The following MALRD1 variants were observed in gnomAD, a reference collection of about 807,000 sequenced individuals.
The protein encoded by MALRD1 is MAM and LDL receptor class A domain containing 1, also known as MAM and LDL-receptor class A domain-containing protein 1.
MALRD1 carries 247 observed loss-of-function variants against 242.1 expected under a neutral mutation model. That is an observed-to-expected ratio of 1.02 (90% CI 0.92 to 1.13). The LOEUF (loss-of-function observed/expected upper bound fraction) is 1.13. Ranked by LOEUF, MALRD1 falls within the 50% of genes most tolerant of loss-of-function variation. MALRD1 has a pLI of 0.00. For missense variants in MALRD1, 2,989 were observed against 2,533.1 expected, an observed-to-expected ratio of 1.18 and a Z score of -3.86; for synonymous variants, 995 against 866.6, an observed-to-expected ratio of 1.15 and a Z score of -2.60.
At chr10:19,420,398 T>A (rs1833679968) in intron 28 of MALRD1, among the ~76,000 whole-genome samples, 1 of 152,156 alleles carries the variant, frequency 6.6e-6, no homozygotes, top group Non-Finnish European at 1.5e-5. Flanking sequence ...ACTGACATAT[T>A]GATTCTTTGA....
chr10:19,348,934 C>A (rs1433044330), intron 25 of MALRD1, among the ~76,000 whole-genome samples: 2 of 152,088 alleles, frequency 1.3e-5, no homozygotes, highest in African/African-American at 4.8e-5. Flanking sequence ...CTCCAAAAAG[C>A]AAACAAATTA....
rs879373174 is a variant in MALRD1 at position 19,168,845 on chromosome 10, C to A, written c.1830+3035C>A. Among the ~76,000 whole-genome samples, 54 of 152,102 alleles carry A rather than the reference C, an allele frequency of 3.6e-4. 2 individuals carry two copies. Among genetic ancestry groups the A allele is most frequent in the Admixed American group, 3.4e-3 (52 of 15,264 alleles). ...TCAATGCTGAGTTCTTTCGAGGCCT[C>A]GGTCACATTGAATTCACCCCAGAGA... On this transcript the variant is annotated intron_variant, in intron 13 of 39. Coordinates refer to ENST00000454679, the MANE Select transcript of MALRD1 (RefSeq NM_001142308.3).
chr10:19,617,097 TACAGTA>T (rs1411359473), intron 36 of MALRD1, among the ~76,000 whole-genome samples: 2 of 151,986 alleles, frequency 1.3e-5, no homozygotes, highest in African/African-American at 4.8e-5. Flanking sequence ...GTCAACTGCT[TACAGTA>T]AAGAGGTTGA....
chr10:19,375,531 A>C (rs1588984831), intron 26 of MALRD1, among the ~76,000 whole-genome samples: 1 of 152,168 alleles, frequency 6.6e-6, no homozygotes, highest in Non-Finnish European at 1.5e-5. Flanking sequence ...AAGGACACAC[A>C]TCCTCACCAT....
chr10:19,224,700 A>C (rs1837713204), intron 18 of MALRD1, among the ~76,000 whole-genome samples: 2 of 151,784 alleles, frequency 1.3e-5, no homozygotes, highest in South Asian at 4.2e-4. Context: ...TTTTCTTGTA[A>C]ATTTGTTTAA....
At chr10:19,339,355 A>T (rs971368258) in intron 24 of MALRD1, among the ~76,000 whole-genome samples, 24 of 152,118 alleles carry the variant, frequency 1.6e-4, no homozygotes, top group African/African-American at 5.8e-4. Context: ...TTCTCGTGGC[A>T]TCTTATCAAA....
chr10:19,730,670 T>C, intron 38 of MALRD1, 36 bp from the exon 39 acceptor site: 1 of 1,525,762 alleles, frequency 6.6e-7, no homozygotes, highest in Non-Finnish European at 8.8e-7. Flanking sequence ...TAAATGTCAA[T>C]AGTTTTTTAT....
chr10:19,312,239 T>C (rs369956182), intron 21 of MALRD1, among the ~76,000 whole-genome samples: 3 of 151,298 alleles, frequency 2.0e-5, no homozygotes, highest in African/African-American at 7.3e-5. Context: ...AACAAACTTA[T>C]CTGTTTTTCC....
chr10:19,434,444 T>G (rs761748614), intron 28 of MALRD1, among the ~76,000 whole-genome samples: 1 of 152,028 alleles, frequency 6.6e-6, no homozygotes, highest in African/African-American at 2.4e-5. Context: ...GATTTCATTT[T>G]ATTTTTAAAA....
intron 1 of MALRD1, among the ~76,000 whole-genome samples, chr10:19,065,972 T>A (rs928212008): frequency 6.6e-6 from 1 of 152,154 alleles, no homozygotes; most frequent in Non-Finnish European, 1.5e-5. Flanking sequence ...AGTTTTAAGA[T>A]GTAACCTTAA....
rs565578077 is a variant in MALRD1 at position 19,555,377 on chromosome 10, A to G, written c.5479-12125A>G. Among the ~76,000 whole-genome samples the G allele has an allele frequency of 2.6e-5, 4 of 152,230 alleles. No homozygotes were observed. In the East Asian group the frequency reaches 7.7e-4, roughly 29 times the overall value. ...AGGAGGATTGGGAAAGCTGGGTAGGACTTCATTTTTACAACCATGGAGGTC... is the reference window on the plus strand; with the variant it reads ...AGGAGGATTGGGAAAGCTGGGTAGGGCTTCATTTTTACAACCATGGAGGTC... On this transcript the variant is annotated intron_variant, in intron 32 of 39. Transcript: ENST00000454679.
At chr10:19,724,189 G>C (rs1400690960) in intron 38 of MALRD1, among the ~76,000 whole-genome samples, 1 of 152,184 alleles carries the variant, frequency 6.6e-6, no homozygotes, top group East Asian at 1.9e-4. Context: ...TAGGTGTCCG[G>C]TGAGTTTCAC....
At chr10:19,236,972 T>C (rs1226803646) in intron 18 of MALRD1, among the ~76,000 whole-genome samples, 1 of 152,042 alleles carries the variant, frequency 6.6e-6, no homozygotes, top group Non-Finnish European at 1.5e-5. Context: ...CATTTTAAAA[T>C]TGTTATTTAA....
chr10:19,530,421 AAATATATAATATATATAATATAT>A (rs1362232311), intron 31 of MALRD1, among the ~76,000 whole-genome samples: 16 of 19,512 alleles, frequency 8.2e-4, no homozygotes, highest in African/African-American at 2.2e-3. Flanking sequence ...ATATAATAAT[AAATATATAATATATATAATATAT>A]AATATATAAT....
Position 19,230,667 on chromosome 10 carries a change from C to G in MALRD1, c.2991+20987C>G, listed in dbSNP as rs557382288. On this transcript the variant is annotated intron_variant, in intron 18 of 39. Transcript: ENST00000454679. ...ATATCAGATACCAAAGCTGACAATG[C>G]TTAGGATCTTTAGCTGTTCCAGGTT... is the stretch of plus-strand genomic sequence containing the variant. Among the ~76,000 whole-genome samples, 3 of 152,196 alleles carry G rather than the reference C, an allele frequency of 2.0e-5. No individual in the cohort carries two copies. In the South Asian group the frequency reaches 6.2e-4, roughly 32 times the overall value.
chr10:19,336,311 G>A (rs770603181), intron 24 of MALRD1, among the ~76,000 whole-genome samples: 26 of 151,976 alleles, frequency 1.7e-4, no homozygotes, highest in Non-Finnish European at 3.4e-4. Flanking sequence ...GCTTATTTAC[G>A]GATGAGACAC....
At chr10:19,381,156 G>A (rs929284839) in intron 26 of MALRD1, among the ~76,000 whole-genome samples, 9 of 147,254 alleles carry the variant, frequency 6.1e-5, no homozygotes, top group South Asian at 2.2e-4. Flanking sequence ...GAGAATATGC[G>A]GTGTTCGGTT....
intron 38 of MALRD1, among the ~76,000 whole-genome samples, chr10:19,705,690 T>TTCCTCC (rs371941438): frequency 6.6e-6 from 1 of 150,974 alleles, no homozygotes; most frequent in Non-Finnish European, 1.5e-5. Flanking sequence ...GCGCCACCTA[T>TTCCTCC]TCCTCCTCCT....
chr10:19,087,758 G>A (rs1835721597), intron 2 of MALRD1, 82 bp from the exon 3 acceptor site: 3 of 553,340 alleles, frequency 5.4e-6, no homozygotes, highest in Admixed American at 4.4e-5. Context: ...ATTGACTATA[G>A]TCATCCCATT....
Sources: allele counts gnomAD v4.1 joint callset (sites outside exome capture counted in the v4.1 genomes callset), GRCh38; gene constraint gnomAD v4.1.1; transcripts MANE v1.5; gene names NCBI Gene and HGNC (gene_info 2026-07-23, HGNC 2026-07-21).